Variants in PHLPP1 observed in about 807,000 individuals in gnomAD.
The protein encoded by PHLPP1 is PH domain and leucine rich repeat protein phosphatase 1.
In PHLPP1, 42 loss-of-function variants were observed where a neutral mutation model predicts 117.2. The observed-to-expected ratio is 0.36, with a 90% CI of 0.28 to 0.46. The LOEUF (loss-of-function observed/expected upper bound fraction) is 0.46, where lower values mean the gene tolerates loss of function less well. Among genes scored for constraint, PHLPP1 ranks in the 20% least tolerant of loss-of-function variants. The pLI, the probability that PHLPP1 is intolerant of heterozygous loss-of-function variation, is 1.00. For synonymous variants in PHLPP1, 1,042 were observed against 970.7 expected, an observed-to-expected ratio of 1.07 and a Z score of -1.37; for missense variants, 2,084 against 2,241.9, an observed-to-expected ratio of 0.93 and a Z score of 1.42.
intron 1 of PHLPP1, among the ~76,000 whole-genome samples, chr18:62,776,469 CCTA>C (rs539946099): frequency 4.3e-4 from 66 of 152,280 alleles, no homozygotes; most frequent in African/African-American, 1.5e-3. Flanking sequence ...CACAGCAACA[CCTA>C]CTGTATCTTA....
intron 4 of PHLPP1, among the ~76,000 whole-genome samples, chr18:62,886,747 A>G (rs1916297518): frequency 6.6e-6 from 1 of 152,224 alleles, no homozygotes; most frequent in African/African-American, 2.4e-5. Context: ...CTTTGGAGTA[A>G]GTCAGACCTG....
At chr18:62,829,442 GA>G (rs1333177922) in intron 1 of PHLPP1, among the ~76,000 whole-genome samples, 2 of 152,186 alleles carry the variant, frequency 1.3e-5, no homozygotes, top group African/African-American at 2.4e-5. Context: ...ATTAACTTGT[GA>G]AAGATAGGCA....
At chr18:62,931,202 A>ACAAC (rs199968520) in intron 10 of PHLPP1, among the ~76,000 whole-genome samples, 15,088 of 108,390 alleles carry the variant, frequency 0.14, 824 homozygotes, top group Middle Eastern at 0.22. Context: ...ATCTAAAAAA[A>ACAAC]AAAAACAACA....
chr18:62,941,842 G>A lies in PHLPP1; in HGVS notation c.3085G>A (p.Val1029Met), dbSNP rs753239415. The A allele has an allele frequency of 6.2e-7, 1 of 1,614,004 alleles. No individual in the cohort carries two copies. The highest frequency in any genetic ancestry group is 1.7e-5 in the Admixed American group (1 of 60,032). Residue 1029 changes from valine (V) to methionine (M), a missense_variant, in exon 11 of 17, where the codon GTG (valine) becomes ATG (methionine). By Grantham distance (21) the Val-to-Met change is conservative. Coordinates refer to ENST00000262719, the MANE Select transcript of PHLPP1 (RefSeq NM_194449.4). ...LTNNSLTDKC[V>M]PLLTGHPHLK... The stretch of plus-strand genomic sequence containing the variant: ...AAATAACAGCCTCACAGACAAATGT[G>A]TGCCCTTGTTAACGGGACACCCCCA...
At chr18:62,854,298 CTT>C (rs1287836811) in intron 3 of PHLPP1, among the ~76,000 whole-genome samples, 1 of 152,238 alleles carries the variant, frequency 6.6e-6, no homozygotes, top group Non-Finnish European at 1.5e-5. Flanking sequence ...TCTATAACCT[CTT>C]ATACTTTTCC....
At chr18:62,903,403 T>C (rs1308236528) in intron 7 of PHLPP1, among the ~76,000 whole-genome samples, 1 of 152,108 alleles carries the variant, frequency 6.6e-6, no homozygotes, top group African/African-American at 2.4e-5. Context: ...ACTCCCACTT[T>C]TGATTTGATT....
At chr18:62,890,963 G>C (rs1326079395) in intron 4 of PHLPP1, among the ~76,000 whole-genome samples, 6 of 152,256 alleles carry the variant, frequency 3.9e-5, no homozygotes, top group African/African-American at 1.4e-4. Flanking sequence ...TAGAGCAGCA[G>C]TTTCATCTGT....
chr18:62,715,722 C>A lies in PHLPP1; in HGVS notation c.39C>A (p.Pro13=). The change falls in exon 1 of 17, where the codon CCC becomes CCA. Residue 13 remains proline, a synonymous_variant. Transcript: ENST00000262719. ...PAAAATVQRL[P]ELGREDRASA... ...CCGCGGCCACGGTACAGCGACTCCC[C>A]GAGCTCGGCAGGGAGGACCGAGCTT... 2.4e-6 allele frequency: 3 copies of A among 1,267,254 alleles called. No individual in the cohort carries two copies. The highest frequency in any genetic ancestry group is 2.0e-6 in the Non-Finnish European group (2 of 1,002,320). 78.5% of individuals were successfully genotyped at this position (1,267,254 alleles called of 1,614,324 possible).
In PHLPP1 at chr18:62,715,764, CGCT is replaced by C; in HGVS notation, c.84_86del (p.Ala40del). The C allele has an allele frequency of 1.1e-6, 1 of 900,436 alleles. No individual in the cohort carries two copies. Among genetic ancestry groups the C allele is most frequent in the Non-Finnish European group, 1.4e-6 (1 of 733,818 alleles). The allele number at this position is 900,436 out of a possible 1,614,324, so 55.8% of individuals were successfully genotyped here. ...ACCGAGCTTCGGCTCCGGCGGCCGC[CGCT>C]GCGGCAGCAGCAGCAGCAGCGGCGG... On this transcript the variant is annotated inframe_deletion, in exon 1 of 17. Coordinates refer to ENST00000262719, the MANE Select transcript of PHLPP1 (RefSeq NM_194449.4).
intron 15 of PHLPP1, 78 bp downstream of exon 15, chr18:62,972,786 G>T: frequency 1.9e-6 from 2 of 1,070,092 alleles, no homozygotes; most frequent in Middle Eastern, 2.3e-4. Context: ...AGAAAAGCAG[G>T]TGCCCAATGG....
intron 12 of PHLPP1, among the ~76,000 whole-genome samples, chr18:62,947,700 T>G (rs1486627226): frequency 6.6e-6 from 1 of 152,218 alleles, no homozygotes; most frequent in East Asian, 1.9e-4. Flanking sequence ...ATTCTTGTTT[T>G]GGGGTTCTTT....
chr18:62,927,548 C>T (rs1245143685), intron 10 of PHLPP1, among the ~76,000 whole-genome samples: 1 of 151,844 alleles, frequency 6.6e-6, no homozygotes, highest in Non-Finnish European at 1.5e-5. Flanking sequence ...TGATTGAACT[C>T]AGAAAATGGA....
At chr18:62,893,736 T>C (rs1473495926) in intron 4 of PHLPP1, among the ~76,000 whole-genome samples, 5 of 152,092 alleles carry the variant, frequency 3.3e-5, no homozygotes, top group Admixed American at 2.0e-4. Flanking sequence ...ATGATTCTTA[T>C]CTTACTTAGA....
intron 1 of PHLPP1, among the ~76,000 whole-genome samples, chr18:62,815,465 G>A (rs1599061780): frequency 6.6e-6 from 1 of 152,044 alleles, no homozygotes; most frequent in Non-Finnish European, 1.5e-5. Flanking sequence ...CCTTGAGGAT[G>A]TTTCTAATAT....
chr18:62,838,894 G>A lies in PHLPP1; in HGVS notation c.1884G>A (p.Leu628=), dbSNP rs1914981887. The A allele has an allele frequency of 6.2e-7, 1 of 1,613,840 alleles. No individual in the cohort carries two copies. The highest frequency in any genetic ancestry group is 8.5e-7 in the Non-Finnish European group (1 of 1,179,816). The change falls in exon 3 of 17, where the codon CTG becomes CTA. Residue 628 remains leucine (L), a synonymous_variant. Transcript: ENST00000262719. ...CTTTCACAGAATACTTAAGGTGGCT[G>A]CGACAAGTCTCCAAGGTAAGCAAGC... ...FDTFTEYLRW[L]RQVSKVASQR...
chr18:62,818,529 A>G (rs1005952888), intron 1 of PHLPP1, among the ~76,000 whole-genome samples: 1 of 152,160 alleles, frequency 6.6e-6, no homozygotes, highest in Non-Finnish European at 1.5e-5. Context: ...CTCCATCTCA[A>G]AAAGAAAATA....
intron 4 of PHLPP1, among the ~76,000 whole-genome samples, chr18:62,881,450 A>G (rs1916173118): frequency 6.6e-6 from 1 of 152,228 alleles, no homozygotes; most frequent in East Asian, 1.9e-4. Flanking sequence ...AGTTCTTAAA[A>G]AAATTATAAA....
In PHLPP1 at chr18:62,945,227, T is replaced by A. The variant is rs778400750; in HGVS notation, c.3280T>A (p.Cys1094Ser). Residue 1094 changes from cysteine (C) to serine (S), a missense_variant, in exon 12 of 17, where the codon TGC becomes AGC. Physicochemically the swap from Cys to Ser is moderately radical, Grantham distance 112 (BLOSUM62 -1). Coordinates refer to ENST00000262719, the MANE Select transcript of PHLPP1 (RefSeq NM_194449.4). ...RMHTVIAHSN[C>S]IEVFPEVMQL... Reference sequence around the variant, plus strand: ...GCACACCGTGATTGCTCACTCCAACTGCATCGAGGTCTTTCCCGAAGTTAT... The same window carrying A: ...GCACACCGTGATTGCTCACTCCAACAGCATCGAGGTCTTTCCCGAAGTTAT... 2.5e-6 allele frequency: 4 copies of A among 1,610,356 alleles called. No homozygotes were observed. The highest frequency in any genetic ancestry group is 2.5e-6 in the Non-Finnish European group (3 of 1,178,708).
chr18:62,953,866 G>A (rs1910537593), intron 12 of PHLPP1, among the ~76,000 whole-genome samples: 1 of 152,182 alleles, frequency 6.6e-6, no homozygotes, highest in East Asian at 1.9e-4. Context: ...TCTGCAGGAA[G>A]GAAGGAAGTA....
Sources: allele counts gnomAD v4.1 joint callset (sites outside exome capture counted in the v4.1 genomes callset), GRCh38; gene constraint gnomAD v4.1.1; transcripts MANE v1.5; gene names NCBI Gene and HGNC (gene_info 2026-07-23, HGNC 2026-07-21).